MARCHF10: variants seen among roughly 807,000 people sequenced by gnomAD.
The protein encoded by MARCHF10 is probable E3 ubiquitin-protein ligase MARCHF10.
MARCHF10 carries 64 observed loss-of-function variants against 76.2 expected under a neutral mutation model. The observed-to-expected ratio is 0.84, with a 90% CI of 0.69 to 1.03. The LOEUF (loss-of-function observed/expected upper bound fraction) is 1.03, where lower values mean the gene tolerates loss of function less well. Ranked by LOEUF, MARCHF10 falls within the 50% of genes least tolerant of loss-of-function variation. MARCHF10 has a pLI of 0.00. For synonymous variants in MARCHF10, 340 were observed against 357.5 expected (o/e 0.95, Z 0.55); for missense variants, 875 against 958.0 (o/e 0.91, Z 1.14).
intron 1 of MARCHF10, among the ~76,000 whole-genome samples, chr17:62,803,819 A>C (rs368349504): frequency 9.2e-5 from 14 of 152,118 alleles, no homozygotes; most frequent in African/African-American, 2.9e-4. Context: ...CCCGGCCCAT[A>C]GTTACTCTTT....
At chr17:62,746,522 A>G (rs1383515733) in intron 4 of MARCHF10, among the ~76,000 whole-genome samples, 2 of 152,076 alleles carry the variant, frequency 1.3e-5, no homozygotes, top group African/African-American at 2.4e-5. Flanking sequence ...CACTGAGGGA[A>G]GGAGGGAAGC....
intron 10 of MARCHF10, 119 bp from the exon 11 acceptor site, chr17:62,701,877 C>T: frequency 7.5e-7 from 1 of 1,334,968 alleles, no homozygotes; most frequent in Non-Finnish European, 1.1e-6. Context: ...CAGCCACCCA[C>T]ATGGCCACAG....
At chr17:62,715,465 G>A (rs1236719765) in intron 8 of MARCHF10, among the ~76,000 whole-genome samples, 1 of 152,228 alleles carries the variant, frequency 6.6e-6, no homozygotes, top group Non-Finnish European at 1.5e-5. Flanking sequence ...CCATTTTGGA[G>A]GCTAGAATGT....
At chr17:62,749,231 T>C (rs1305541992) in intron 4 of MARCHF10, among the ~76,000 whole-genome samples, 1 of 152,202 alleles carries the variant, frequency 6.6e-6, no homozygotes, top group African/African-American at 2.4e-5. Flanking sequence ...AGAAATCTTA[T>C]ATTTGTACAA....
At position 62,712,042 on chromosome 17, in the gene MARCHF10, C is replaced by T. The variant is rs1016032509; in HGVS notation, c.2215-698G>A. On this transcript the variant is annotated intron_variant, in intron 8 of 10. Transcript: ENST00000311269. The surrounding 1 kb of genome is among the most constrained non-coding windows in gnomAD (Gnocchi z 4.2). ...TGGCTGCCCATGGCACTTCTCTGTC[C>T]TTAGCACTTGGGCTTTGCTGCCAAG... 6.6e-6 allele frequency among the ~76,000 whole-genome samples: 1 copy of T among 152,220 alleles called. No homozygotes were observed. The highest frequency in any genetic ancestry group is 6.5e-5 in the Admixed American group (1 of 15,284).
At position 62,801,688 on chromosome 17, in the gene MARCHF10, C is replaced by T. The variant is rs1249863825; in HGVS notation, c.48G>A (p.Gln16=). ...RDRQKFFSDV[Q]YLRDMQHKVD... ...CCTTATGCTGCATGTCCCGCAGATA[C>T]TGAACATCGCTGAAGAACTTCTGCC... The change falls in exon 2 of 11, where the codon CAG becomes CAA. Residue 16 remains glutamine, a synonymous_variant. Coordinates refer to ENST00000311269, the MANE Select transcript of MARCHF10 (RefSeq NM_152598.4). 5 of 1,614,174 alleles carry T rather than the reference C, an allele frequency of 3.1e-6. No homozygotes were observed. The highest frequency in any genetic ancestry group is 1.1e-5 in the South Asian group (1 of 91,080).
chr17:62,742,024 C>CTT lies in MARCHF10; in HGVS notation c.535+2350_535+2351dup, dbSNP rs35748252. ...GGAAACTGTTTTTTTTTCTTTTTTTCTTTTTTTTTTTTGAGATGGAGTCTC... is the reference window on the plus strand; with the variant it reads ...GGAAACTGTTTTTTTTTCTTTTTTTCTTTTTTTTTTTTTTGAGATGGAGTCTC... On this transcript the variant is annotated intron_variant, in intron 5 of 10. Coordinates refer to ENST00000311269, the MANE Select transcript of MARCHF10 (RefSeq NM_152598.4). Among the ~76,000 whole-genome samples the CTT allele has an allele frequency of 9.8e-4, 130 of 132,968 alleles. 1 individual carries two copies. Among genetic ancestry groups the CTT allele is most frequent in the African/African-American group, 1.6e-3 (58 of 35,276 alleles). 87.2% of individuals were successfully genotyped at this position (132,968 alleles called of 152,430 possible).
At chr17:62,793,461 CA>C (rs2092916498) in intron 2 of MARCHF10, among the ~76,000 whole-genome samples, 1 of 139,810 alleles carries the variant, frequency 7.2e-6, no homozygotes, top group African/African-American at 2.7e-5. Flanking sequence ...TCACCACCAC[CA>C]TCACCACCAC....
chr17:62,760,109 T>C, intron 3 of MARCHF10, 103 bp from the exon 4 acceptor site: 1 of 961,566 alleles, frequency 1.0e-6, no homozygotes, highest in Non-Finnish European at 1.6e-6. Flanking sequence ...TCTCCAGCAA[T>C]AATCCTAGAG....
At chr17:62,783,420 G>T (rs1455643324) in intron 3 of MARCHF10, among the ~76,000 whole-genome samples, 3 of 151,904 alleles carry the variant, frequency 2.0e-5, no homozygotes, top group Admixed American at 2.0e-4. Flanking sequence ...ACAAGAGAAA[G>T]CAGGAAAGAT....
chr17:62,711,291 G>T lies in MARCHF10; in HGVS notation c.2268C>A (p.Leu756=). ...SGLYLVLLLH[L]YEQRFAELMR... is the part of the protein sequence containing the mutation. ...TGAGTTCTGCAAACCTCTGCTCATA[G>T]AGGTGAAGCAGCAGCACCAGGTACA... The change falls in exon 9 of 11, where the codon CTC becomes CTA. Residue 756 remains leucine, a synonymous_variant. Coordinates refer to ENST00000311269, the MANE Select transcript of MARCHF10 (RefSeq NM_152598.4). This position sits in a 1 kb window ranked among gnomAD's most constrained non-coding sequence, Gnocchi z 4.4. 6.2e-7 allele frequency: 1 copy of T among 1,614,140 alleles called. No homozygotes were observed. Among genetic ancestry groups the T allele is most frequent in the East Asian group, 2.2e-5 (1 of 44,880 alleles).
chr17:62,720,955 G>C (rs7223425), intron 8 of MARCHF10, among the ~76,000 whole-genome samples: 64,846 of 149,396 alleles, frequency 0.43, 14,525 homozygotes, highest in African/African-American at 0.56. Context: ...GCAACCTCTG[G>C]CTCCCAGGTT....
chr17:62,749,941 G>A (rs143019721), intron 4 of MARCHF10: 1 of 152,472 alleles, frequency 6.6e-6, no homozygotes, highest in East Asian at 1.9e-4. Flanking sequence ...ATTGCACAGC[G>A]TGCCAGCTAC....
At chr17:62,775,257 C>G (rs1297098398) in intron 3 of MARCHF10, among the ~76,000 whole-genome samples, 4 of 151,452 alleles carry the variant, frequency 2.6e-5, no homozygotes, top group Non-Finnish European at 5.9e-5. Flanking sequence ...TCCCGAGTAG[C>G]TGGGATTATA....
At chr17:62,789,065 G>A (rs1369797871) in intron 2 of MARCHF10, among the ~76,000 whole-genome samples, 9 of 77,668 alleles carry the variant, frequency 1.2e-4, no homozygotes, top group South Asian at 5.3e-4. Context: ...GCGAGACTCC[G>A]TCTCAAAAAA....
At chr17:62,744,103 C>G (rs1321674814) in intron 5 of MARCHF10, among the ~76,000 whole-genome samples, 1 of 152,066 alleles carries the variant, frequency 6.6e-6, no homozygotes, top group Non-Finnish European at 1.5e-5. Context: ...GGTGTCCACT[C>G]AAAACCAGTT....
At chr17:62,746,290 G>T (rs1380565835) in intron 4 of MARCHF10, among the ~76,000 whole-genome samples, 1 of 152,202 alleles carries the variant, frequency 6.6e-6, no homozygotes, top group Non-Finnish European at 1.5e-5. Flanking sequence ...TGGTGTCGGA[G>T]CAACTTGGGG....
chr17:62,788,460 T>C lies in MARCHF10; in HGVS notation c.210+20A>G. On this transcript the variant is annotated intron_variant, in intron 3 of 10. Coordinates refer to ENST00000311269, the MANE Select transcript of MARCHF10 (RefSeq NM_152598.4). ...CAGCAGCAGCAGCCCCAGGAGACTG[T>C]CTCCCAGAATTCTTCATACCTGTTT... 9 of 1,613,698 alleles carry C rather than the reference T, an allele frequency of 5.6e-6. No individual in the cohort carries two copies. Among genetic ancestry groups the C allele is most frequent in the Non-Finnish European group, 7.6e-6 (9 of 1,179,866 alleles).
At chr17:62,747,005 G>A (rs977059537) in intron 4 of MARCHF10, 37 of 1,509,040 alleles carry the variant, frequency 2.5e-5, no homozygotes, top group Non-Finnish European at 3.1e-5. Flanking sequence ...TACTTTCAGC[G>A]TTTTTAAAAA....
Sources: gnomAD v4.1 joint callset for allele counts (sites outside exome capture counted in the v4.1 genomes callset) on GRCh38, gnomAD v4.1.1 for gene constraint, Gnocchi (gnomAD v3.1) non-coding constraint, MANE v1.5 for transcripts, NCBI Gene and HGNC (gene_info 2026-07-23, HGNC 2026-07-21) for gene names.